ZMAT4: variants seen among roughly 807,000 people sequenced by gnomAD.
ZMAT4 encodes zinc finger matrin-type 4, also known as zinc finger matrin-type protein 4.
ZMAT4 carries 17 observed loss-of-function variants against 28.7 expected under a neutral mutation model. That is an observed-to-expected ratio of 0.59 (90% CI 0.41 to 0.89). The LOEUF is 0.89. Among genes scored for constraint, ZMAT4 ranks in the 40% least tolerant of loss-of-function variants. ZMAT4 has a pLI of 0.00. For synonymous variants in ZMAT4, 117 were observed against 109.2 expected (o/e 1.07, Z -0.44); for missense variants, 240 against 283.8 (o/e 0.85, Z 1.11).
intron 1 of ZMAT4, among the ~76,000 whole-genome samples, chr8:40,870,914 G>A (rs1486524002): frequency 6.6e-6 from 1 of 152,154 alleles, no homozygotes; most frequent in African/African-American, 2.4e-5. Flanking sequence ...TGTGTCCTGG[G>A]TCACTTGCCC....
chr8:40,768,797 C>T (rs1009086592), intron 2 of ZMAT4, among the ~76,000 whole-genome samples: 2 of 152,106 alleles, frequency 1.3e-5, no homozygotes, highest in Non-Finnish European at 2.9e-5. Flanking sequence ...ATCTATTGTT[C>T]CCTAATTCCA....
chr8:40,889,096 G>T (rs1044044441), intron 1 of ZMAT4, among the ~76,000 whole-genome samples: 2 of 152,182 alleles, frequency 1.3e-5, no homozygotes, highest in South Asian at 2.1e-4. Context: ...CAACTTCTCT[G>T]CTTGTGAAAT....
chr8:40,601,313 G>C (rs1425092016), intron 5 of ZMAT4, among the ~76,000 whole-genome samples: 1 of 150,118 alleles, frequency 6.7e-6, no homozygotes, highest in Non-Finnish European at 1.5e-5. Context: ...ATAATCTTTT[G>C]AAATAAGTGA....
At chr8:40,619,617 G>T (rs1179440522) in intron 5 of ZMAT4, among the ~76,000 whole-genome samples, 1 of 152,216 alleles carries the variant, frequency 6.6e-6, no homozygotes, top group African/African-American at 2.4e-5. Context: ...GACAGGACAG[G>T]CATGCAGGGG....
At chr8:40,608,244 TTGC>T (rs1805670191) in intron 5 of ZMAT4, among the ~76,000 whole-genome samples, 1 of 152,140 alleles carries the variant, frequency 6.6e-6, no homozygotes, top group African/African-American at 2.4e-5. Flanking sequence ...TGGGCAAGCC[TTGC>T]TGTAGCTGCT....
chr8:40,774,224 G>T (rs1813498467), intron 2 of ZMAT4, among the ~76,000 whole-genome samples: 1 of 152,144 alleles, frequency 6.6e-6, no homozygotes, highest in Non-Finnish European at 1.5e-5. Context: ...ATAGACAAAG[G>T]ATAGAAATAG....
chr8:40,740,717 G>A lies in ZMAT4; in HGVS notation c.192+26924C>T, dbSNP rs565160580. ...TCTAAGTTCACAGACCTCTAGGACT[G>A]TGCACACAGCAGTTTATGGAGCCTT... On this transcript the variant is annotated intron_variant, in intron 3 of 6. Coordinates refer to ENST00000297737, the MANE Select transcript of ZMAT4 (RefSeq NM_024645.3). Among the ~76,000 whole-genome samples, 4 of 152,302 alleles carry A rather than the reference G, an allele frequency of 2.6e-5. 1 individual carries two copies. In the South Asian group the frequency reaches 8.3e-4, roughly 32 times the overall value.
chr8:40,729,566 G>C (rs932204219), intron 3 of ZMAT4, among the ~76,000 whole-genome samples: 2 of 150,138 alleles, frequency 1.3e-5, no homozygotes, highest in African/African-American at 4.9e-5. Context: ...ATGCATATTA[G>C]TGCTTTCTTT....
intron 1 of ZMAT4, among the ~76,000 whole-genome samples, chr8:40,887,616 T>C (rs1818508277): frequency 6.6e-6 from 1 of 152,004 alleles, no homozygotes; most frequent in Non-Finnish European, 1.5e-5. Flanking sequence ...TGGTAAGAAC[T>C]GGCAGGCGAG....
At chr8:40,880,875 C>G (rs1213730132) in intron 1 of ZMAT4, among the ~76,000 whole-genome samples, 12 of 152,240 alleles carry the variant, frequency 7.9e-5, no homozygotes, top group East Asian at 1.9e-4. Flanking sequence ...TGAATGTTTT[C>G]ACACTCTACG....
rs1817325249 is a variant in ZMAT4, at chr8:40,857,081, C to T, written c.-4-31401G>A. On this transcript the variant is annotated intron_variant, in intron 1 of 6. Transcript: ENST00000297737. ...CGAGATGATCAGGAAGCTACCTGGG[C>T]AATACCAGGAGCCTGGTTACCTGGA... is the stretch of plus-strand genomic sequence containing the variant. Among the ~76,000 whole-genome samples the T allele has an allele frequency of 3.9e-5, 6 of 152,130 alleles. No homozygotes were observed. In the South Asian group the frequency reaches 1.2e-3, roughly 31 times the overall value.
In ZMAT4 at chr8:40,708,547, T is replaced by TAC. The variant is rs1204668862; in HGVS notation, c.193-11148_193-11147dup. Reference sequence around the variant, plus strand: ...TCTGTTCTTAAACACTATGCTACACTACACACACACACATACACACTCTTT... The same window carrying TAC: ...TCTGTTCTTAAACACTATGCTACACTACACACACACACACATACACACTCTTT... On this transcript the variant is annotated intron_variant, in intron 3 of 6. Coordinates refer to ENST00000297737, the MANE Select transcript of ZMAT4 (RefSeq NM_024645.3). Among the ~76,000 whole-genome samples the TAC allele has an allele frequency of 1.1e-4, 15 of 135,842 alleles. No homozygotes were observed. The East Asian group carries it at 3.0e-3, about 27-fold the overall frequency. 89.1% of individuals were successfully genotyped at this position (135,842 alleles called of 152,430 possible). A position where few individuals can be genotyped will look rare whatever the true frequency, so the allele number is the denominator to read the frequency against.
chr8:40,630,979 A>T (rs75650458), intron 5 of ZMAT4, among the ~76,000 whole-genome samples: 84 of 151,072 alleles, frequency 5.6e-4, no homozygotes, highest in African/African-American at 1.9e-3. Context: ...AGAAATGCAC[A>T]TTTTTTTTTC....
At chr8:40,872,289 G>A (rs1817885285) in intron 1 of ZMAT4, among the ~76,000 whole-genome samples, 1 of 152,216 alleles carries the variant, frequency 6.6e-6, no homozygotes, top group Non-Finnish European at 1.5e-5. Context: ...TCTGAAGGGG[G>A]CATCCCACAG....
chr8:40,845,858 A>G (rs1816874436), intron 1 of ZMAT4, among the ~76,000 whole-genome samples: 1 of 151,792 alleles, frequency 6.6e-6, no homozygotes, highest in African/African-American at 2.4e-5. Context: ...ACAATGATAG[A>G]GCCAAGCATC....
At chr8:40,716,364 G>T in intron 3 of ZMAT4, among the ~76,000 whole-genome samples, 1 of 152,146 alleles carries the variant, frequency 6.6e-6, no homozygotes, top group Non-Finnish European at 1.5e-5. Context: ...TACAGGAGGT[G>T]TTTCCTTGGA....
intron 2 of ZMAT4, among the ~76,000 whole-genome samples, chr8:40,789,584 A>G (rs1450951602): frequency 6.6e-6 from 1 of 152,236 alleles, no homozygotes; most frequent in East Asian, 1.9e-4. Flanking sequence ...TAACACAAAG[A>G]AAAGACAAAT....
At chr8:40,805,828 T>C (rs1050925515) in intron 2 of ZMAT4, among the ~76,000 whole-genome samples, 2 of 149,548 alleles carry the variant, frequency 1.3e-5, no homozygotes, top group Non-Finnish European at 3.0e-5. Context: ...TTGGGAGATA[T>C]ACCTAATGCG....
At chr8:40,782,245 G>A (rs1813866627) in intron 2 of ZMAT4, among the ~76,000 whole-genome samples, 1 of 152,044 alleles carries the variant, frequency 6.6e-6, no homozygotes, top group Non-Finnish European at 1.5e-5. Context: ...AATTAGCTGG[G>A]CATGGTGGTG....
Sources: allele counts gnomAD v4.1 joint callset (sites outside exome capture counted in the v4.1 genomes callset), GRCh38; gene constraint gnomAD v4.1.1; transcripts MANE v1.5; gene names NCBI Gene and HGNC (gene_info 2026-07-23, HGNC 2026-07-21).